NEK1: variants seen among roughly 807,000 people sequenced by gnomAD.
The protein encoded by NEK1 is NIMA related kinase 1.
Under a neutral mutation model 182.1 loss-of-function variants are expected in NEK1, and 137 were observed. The ratio of observed to expected loss-of-function variants is 0.75; its 90% confidence interval spans 0.65 to 0.87. The LOEUF (loss-of-function observed/expected upper bound fraction) is 0.87, where lower values mean the gene tolerates loss of function less well. NEK1 is among the 40% of genes least tolerant of loss of function. The pLI, the probability that NEK1 is intolerant of heterozygous loss-of-function variation, is 0.00. For synonymous variants in NEK1, 513 were observed against 492.2 expected, an observed-to-expected ratio of 1.04 and a Z score of -0.56; for missense variants, 1,391 against 1,494.4, an observed-to-expected ratio of 0.93 and a Z score of 1.14.
At chr4:169,481,525 T>C (rs988923249) in intron 23 of NEK1, among the ~76,000 whole-genome samples, 3 of 152,238 alleles carry the variant, frequency 2.0e-5, no homozygotes, top group African/African-American at 7.2e-5. Context: ...AATCTCTTTG[T>C]ATAATACATC....
intron 27 of NEK1, among the ~76,000 whole-genome samples, chr4:169,460,107 G>A (rs1743678655): frequency 6.6e-6 from 1 of 152,010 alleles, no homozygotes; most frequent in Admixed American, 6.6e-5. Flanking sequence ...GGTGGGGGAG[G>A]CTGTGTGTGT....
chr4:169,443,435 G>C (rs1187435779), intron 27 of NEK1, among the ~76,000 whole-genome samples: 1 of 125,594 alleles, frequency 8.0e-6, no homozygotes, highest in African/African-American at 3.0e-5. Flanking sequence ...AGAAAAAAGA[G>C]TTTCTGAATG....
intron 23 of NEK1, among the ~76,000 whole-genome samples, chr4:169,490,076 C>A (rs977921291): frequency 6.6e-6 from 1 of 152,100 alleles, no homozygotes; most frequent in African/African-American, 2.4e-5. Flanking sequence ...GCAGGAGGAC[C>A]CCCACTAAAG....
At chr4:169,514,444 A>C (rs540280975) in intron 19 of NEK1, among the ~76,000 whole-genome samples, 1 of 152,316 alleles carries the variant, frequency 6.6e-6, no homozygotes, top group East Asian at 1.9e-4. Context: ...GTTGTATCAA[A>C]TTGGTGTTAA....
intron 12 of NEK1, among the ~76,000 whole-genome samples, chr4:169,575,334 C>T (rs771765583): frequency 2.6e-5 from 4 of 152,198 alleles, no homozygotes; most frequent in Admixed American, 6.5e-5. Flanking sequence ...ATTGCTAACA[C>T]AATATTAAGC....
At chr4:169,578,566 T>C (rs182547399) in intron 11 of NEK1, among the ~76,000 whole-genome samples, 104 of 152,324 alleles carry the variant, frequency 6.8e-4, no homozygotes, top group African/African-American at 2.4e-3. Flanking sequence ...CATATAATAG[T>C]ATAAATTAAA....
intron 31 of NEK1, among the ~76,000 whole-genome samples, chr4:169,408,610 C>A (rs554060686): frequency 5.3e-4 from 80 of 152,236 alleles, no homozygotes; most frequent in African/African-American, 1.7e-3. Flanking sequence ...AGTCTTTTAT[C>A]CCTCATCTAC....
At chr4:169,607,453 AT>A (rs1321408785) in intron 2 of NEK1, among the ~76,000 whole-genome samples, 1 of 151,848 alleles carries the variant, frequency 6.6e-6, no homozygotes, top group Non-Finnish European at 1.5e-5. Context: ...AAGAATTAAA[AT>A]TTTTTTTTAA....
At chr4:169,532,056 C>T (rs1757758546) in intron 19 of NEK1, among the ~76,000 whole-genome samples, 3 of 152,056 alleles carry the variant, frequency 2.0e-5, no homozygotes, top group Admixed American at 2.0e-4. Flanking sequence ...ACTATAGTAA[C>T]AGGAAATAGA....
chr4:169,499,897 T>G (rs1752099718), intron 23 of NEK1, among the ~76,000 whole-genome samples: 1 of 152,186 alleles, frequency 6.6e-6, no homozygotes, highest in Non-Finnish European at 1.5e-5. Flanking sequence ...TGCAGCTGCG[T>G]GCTGGGACAA....
intron 19 of NEK1, among the ~76,000 whole-genome samples, chr4:169,532,924 A>T (rs770584551): frequency 1.3e-5 from 2 of 152,098 alleles, no homozygotes; most frequent in Non-Finnish European, 2.9e-5. Context: ...TGTAGAAAGA[A>T]AGGAAAGGAA....
chr4:169,599,016 G>A (rs1770033508), intron 5 of NEK1, 84 bp downstream of exon 5: 1 of 986,074 alleles, frequency 1.0e-6, no homozygotes, highest in Non-Finnish European at 1.6e-6. Flanking sequence ...AGCATTTGTA[G>A]TTAAAAACAA....
chr4:169,527,434 T>C (rs982089495), intron 19 of NEK1, among the ~76,000 whole-genome samples: 1 of 152,182 alleles, frequency 6.6e-6, no homozygotes, highest in Non-Finnish European at 1.5e-5. Context: ...TTATTAAACA[T>C]GTCTGACAGT....
chr4:169,529,610 A>G (rs1431419040), intron 19 of NEK1, among the ~76,000 whole-genome samples: 1 of 152,210 alleles, frequency 6.6e-6, no homozygotes, highest in Non-Finnish European at 1.5e-5. Flanking sequence ...CATCCTCTGC[A>G]AAAGATTCTG....
intron 31 of NEK1, among the ~76,000 whole-genome samples, chr4:169,409,168 CAG>C (rs905826976): frequency 1.1e-4 from 16 of 150,976 alleles, no homozygotes; most frequent in Admixed American, 3.3e-4. Flanking sequence ...TTTTTTGAGA[CAG>C]AGTCTTGCTC....
chr4:169,433,708 T>A (rs1737856876), intron 28 of NEK1, 43 bp from the exon 29 acceptor site: 7 of 1,600,278 alleles, frequency 4.4e-6, no homozygotes, highest in Non-Finnish European at 6.0e-6. Context: ...AAAGCAAAAT[T>A]TGTCAAGAGA....
chr4:169,599,186 G>C lies in NEK1; in HGVS notation c.226C>G (p.Leu76Val), dbSNP rs35093214. Residue 76 changes from leucine (L) to valine (V), a missense_variant, in exon 5 of 36, where the codon CTC becomes GTC. Coordinates refer to ENST00000507142, the MANE Select transcript of NEK1 (RefSeq NM_001199397.3). ...YRESFEENGS[L>V]YIVMDYCEGG... ...TCACAGTAATCCATTACTATGTAGAGAGAGCCATTTTCTACAAAATATAAA... is the reference window on the plus strand; with the variant it reads ...TCACAGTAATCCATTACTATGTAGACAGAGCCATTTTCTACAAAATATAAA... 6 of 1,608,202 alleles carry C rather than the reference G, an allele frequency of 3.7e-6. No individual in the cohort carries two copies. The highest frequency in any genetic ancestry group is 4.3e-6 in the Non-Finnish European group (5 of 1,175,978).
At position 169,555,744 on chromosome 4, in the gene NEK1, A is replaced by G. The variant is rs1217426330; in HGVS notation, c.1538T>C (p.Val513Ala). The change falls in exon 18 of 36, where the codon GTG (valine) becomes GCG (alanine). Residue 513 changes from valine to alanine, a missense_variant. By Grantham distance (64) the Val-to-Ala change is moderately conservative (BLOSUM62 0). Around this residue, in one of 5 missense-constraint regions of NEK1, gnomAD observed 1,216 missense variants for 1,277.6 expected, o/e 0.95. Coordinates refer to ENST00000507142, the MANE Select transcript of NEK1 (RefSeq NM_001199397.3). ...CCTGTTTGCATTGGCTTGTTTAGAC[A>G]CCGCCTTCAATCTTTTCAAAGTTTT... ...IRKTLKRLKA[V>A]SKQANANRQK... 9.9e-6 allele frequency: 16 copies of G among 1,613,738 alleles called. No individual in the cohort carries two copies. In the South Asian group the frequency reaches 1.8e-4, roughly 18 times the overall value.
chr4:169,511,383 A>G (rs920036347), intron 19 of NEK1, among the ~76,000 whole-genome samples: 5 of 152,134 alleles, frequency 3.3e-5, no homozygotes, highest in African/African-American at 1.2e-4. Flanking sequence ...ATATGGGAGT[A>G]TCTACAAAGT....
Sources: gnomAD v4.1 joint callset for allele counts (sites outside exome capture counted in the v4.1 genomes callset) on GRCh38, gnomAD v4.1.1 for gene constraint, gnomAD v4.1.1 regional missense constraint, MANE v1.5 for transcripts, NCBI Gene and HGNC (gene_info 2026-07-23, HGNC 2026-07-21) for gene names.